Variants in RAB39A observed in about 807,000 individuals in gnomAD.
RAB39A encodes ras-related protein Rab-39A.
RAB39A carries 17 observed loss-of-function variants against 20.9 expected under a neutral mutation model. The ratio of observed to expected loss-of-function variants is 0.81; its 90% CI spans 0.56 to 1.22. RAB39A has a LOEUF of 1.22. RAB39A is among the 50% of genes most tolerant of loss of function. The probability of loss-of-function intolerance (pLI) is 0.00; values close to 1 mark genes in which losing one functional copy is unlikely to be tolerated. For synonymous variants in RAB39A, 99 were observed against 103.4 expected (o/e 0.96, Z 0.26); for missense variants, 234 against 270.5 (o/e 0.87, Z 0.95).
At position 107,928,611 on chromosome 11, in the gene RAB39A, G is replaced by C. The variant is rs144414289; in HGVS notation, c.43G>C (p.Gly15Arg). ...CTACCAGTTCCGCCTCATCGTGATC[G>C]GGGACTCCACCGTGGGCAAGTCCTG... Reference protein sequence around the residue: ...WIYQFRLIVIGDSTVGKSCLL... With the variant: ...WIYQFRLIVIRDSTVGKSCLL... Residue 15 changes from glycine (G) to arginine (R), a missense_variant, in exon 1 of 2, where the codon GGG becomes CGG. Gly to Arg is a moderately radical substitution (Grantham distance 125). Transcript: ENST00000320578. The surrounding 1 kb of genome is among the most constrained non-coding windows in gnomAD (Gnocchi z 4.9). 7 of 1,591,872 alleles carry C rather than the reference G, an allele frequency of 4.4e-6. No homozygotes were observed. The African/African-American group carries it at 5.4e-5, about 12-fold the overall frequency.
At chr11:107,950,516 C>T (rs924401867) in intron 1 of RAB39A, among the ~76,000 whole-genome samples, 2 of 152,076 alleles carry the variant, frequency 1.3e-5, no homozygotes, top group East Asian at 1.9e-4. Flanking sequence ...CCTGTAATCC[C>T]AGCACTTTCG....
At chr11:107,939,801 G>A (rs781066249) in intron 1 of RAB39A, among the ~76,000 whole-genome samples, 21 of 152,022 alleles carry the variant, frequency 1.4e-4, no homozygotes, top group Non-Finnish European at 2.6e-4. Flanking sequence ...ATTTTCTCTC[G>A]TCATGCCACA....
chr11:107,933,780 C>A (rs1374365366), intron 1 of RAB39A, among the ~76,000 whole-genome samples: 1 of 151,768 alleles, frequency 6.6e-6, no homozygotes, highest in Non-Finnish European at 1.5e-5. Context: ...CCTGCCTCAG[C>A]CTCCTGAGTA....
intron 1 of RAB39A, among the ~76,000 whole-genome samples, chr11:107,932,548 A>G (rs1247212663): frequency 6.6e-6 from 1 of 152,230 alleles, no homozygotes. Flanking sequence ...TCTTTTAAGC[A>G]AGTGAGGCCA....
At chr11:107,933,976 G>A (rs1485973384) in intron 1 of RAB39A, among the ~76,000 whole-genome samples, 1 of 152,116 alleles carries the variant, frequency 6.6e-6, no homozygotes, top group Admixed American at 6.6e-5. Flanking sequence ...TTTAAAAGAA[G>A]CATTCTGTGA....
chr11:107,952,535 C>G (rs112009897), intron 1 of RAB39A, among the ~76,000 whole-genome samples: 1 of 151,570 alleles, frequency 6.6e-6, no homozygotes, highest in East Asian at 1.9e-4. Context: ...AAGCCGAGAC[C>G]GTGCCATTGT....
chr11:107,955,439 C>T (rs559457773), intron 1 of RAB39A, among the ~76,000 whole-genome samples: 14 of 152,314 alleles, frequency 9.2e-5, no homozygotes, highest in Admixed American at 3.3e-4. Context: ...TGGGCTTGCA[C>T]TGTAGCTTGG....
chr11:107,947,927 T>G (rs960301936), intron 1 of RAB39A, among the ~76,000 whole-genome samples: 4 of 151,744 alleles, frequency 2.6e-5, no homozygotes, highest in African/African-American at 9.7e-5. Context: ...TATTACCTCA[T>G]GTAGCTTTTT....
intron 1 of RAB39A, among the ~76,000 whole-genome samples, chr11:107,947,807 C>CAAAAAAAAAAAAAAAAAAAAAAAAAGAA (rs35694249): frequency 1.2e-5 from 1 of 80,224 alleles, no homozygotes; most frequent in Non-Finnish European, 2.2e-5. Flanking sequence ...CATCAACAGG[C>CAAAAAAAAAAAAAAAAAAAAAAAAAGAA]AAAAAAAAAA....
intron 1 of RAB39A, among the ~76,000 whole-genome samples, chr11:107,935,369 TTTC>T (rs1390530788): frequency 2.2e-4 from 34 of 151,880 alleles, no homozygotes; most frequent in East Asian, 1.7e-3. Context: ...ATTAATTTTC[TTTC>T]TTCTTCTTTT....
chr11:107,938,301 A>G (rs1861218891), intron 1 of RAB39A, among the ~76,000 whole-genome samples: 1 of 144,004 alleles, frequency 6.9e-6, no homozygotes, highest in Non-Finnish European at 1.5e-5. Context: ...AGGAGGTTGC[A>G]GTGAGCCGAG....
At chr11:107,948,349 T>G (rs1207782436) in intron 1 of RAB39A, among the ~76,000 whole-genome samples, 1 of 149,030 alleles carries the variant, frequency 6.7e-6, no homozygotes, top group African/African-American at 2.4e-5. Flanking sequence ...ATCTAATGCT[T>G]CTTTTTTTTC....
At chr11:107,939,479 G>A (rs981529475) in intron 1 of RAB39A, among the ~76,000 whole-genome samples, 2 of 151,082 alleles carry the variant, frequency 1.3e-5, no homozygotes, top group African/African-American at 4.9e-5. Flanking sequence ...GCCGGGCATG[G>A]TGGCAGGCGC....
rs1861106306 is a variant in RAB39A, at chr11:107,928,610, C to T, written c.42C>T (p.Ile14=). Residue 14 remains isoleucine, a synonymous_variant, in exon 1 of 2, where the codon ATC becomes ATT. Transcript: ENST00000320578. This position sits in a 1 kb window ranked among gnomAD's most constrained non-coding sequence, Gnocchi z 4.9. ...TCTACCAGTTCCGCCTCATCGTGAT[C>T]GGGGACTCCACCGTGGGCAAGTCCT... The part of the protein sequence containing the change: ...IWIYQFRLIV[I]GDSTVGKSCL... 3 of 1,593,370 alleles carry T rather than the reference C, an allele frequency of 1.9e-6. No homozygotes were observed. Among genetic ancestry groups the T allele is most frequent in the Non-Finnish European group, 2.6e-6 (3 of 1,164,996 alleles).
intron 1 of RAB39A, among the ~76,000 whole-genome samples, chr11:107,961,502 C>T (rs773860063): frequency 1.3e-5 from 2 of 152,098 alleles, no homozygotes; most frequent in Non-Finnish European, 2.9e-5. Flanking sequence ...ATACTACAGC[C>T]CTTGTTTCTT....
chr11:107,928,494 G>A lies in RAB39A; in HGVS notation c.-75G>A. ...GGCGGCGGGCGGGCGCCCGCGAGGT[G>A]CTGAAAGGACAGTTCCCGCCGCCGA... On this transcript the variant is annotated 5_prime_UTR_variant, in exon 1 of 2. Transcript: ENST00000320578. This position sits in a 1 kb window ranked among gnomAD's most constrained non-coding sequence, Gnocchi z 4.9. 1.7e-6 allele frequency: 2 copies of A among 1,187,732 alleles called. No individual in the cohort carries two copies. The highest frequency in any genetic ancestry group is 2.2e-6 in the Non-Finnish European group (2 of 899,462). 73.6% of individuals were successfully genotyped at this position (1,187,732 alleles called of 1,614,324 possible). A position where few individuals can be genotyped will look rare whatever the true frequency, so the allele number is the denominator to read the frequency against.
At chr11:107,945,243 G>C (rs1861296928) in intron 1 of RAB39A, among the ~76,000 whole-genome samples, 1 of 150,214 alleles carries the variant, frequency 6.7e-6, no homozygotes, top group Admixed American at 6.6e-5. Flanking sequence ...AGCACTCTGG[G>C]AGGCTGAGGT....
At chr11:107,946,456 ATATATTTTTT>A (rs1196782276) in intron 1 of RAB39A, among the ~76,000 whole-genome samples, 2,470 of 43,100 alleles carry the variant, frequency 0.057, 77 homozygotes, top group Non-Finnish European at 0.093. Context: ...ATATATATAT[ATATATTTTTT>A]TTTTTTTTTT....
chr11:107,940,797 C>T (rs1475477007), intron 1 of RAB39A, among the ~76,000 whole-genome samples: 1 of 151,862 alleles, frequency 6.6e-6, no homozygotes. Context: ...GTGGTGAAGC[C>T]CCATCTCTAC....
Sources: gnomAD v4.1 joint callset for allele counts (sites outside exome capture counted in the v4.1 genomes callset) on GRCh38, gnomAD v4.1.1 for gene constraint, Gnocchi (gnomAD v3.1) non-coding constraint, MANE v1.5 for transcripts, NCBI Gene and HGNC (gene_info 2026-07-23, HGNC 2026-07-21) for gene names.